Variants in SULT1E1 observed in about 807,000 individuals in gnomAD.
The protein encoded by SULT1E1 is sulfotransferase 1E1.
SULT1E1 carries 36 observed loss-of-function variants against 33.6 expected under a neutral mutation model. The ratio of observed to expected loss-of-function variants is 1.07; its 90% CI spans 0.82 to 1.41. SULT1E1 has a LOEUF of 1.41. Ranked by LOEUF, SULT1E1 falls within the 40% of genes most tolerant of loss-of-function variation. The pLI, the probability that SULT1E1 is intolerant of heterozygous loss-of-function variation, is 0.00. For missense variants in SULT1E1, 371 were observed against 345.7 expected (o/e 1.07, Z -0.58); for synonymous variants, 121 against 111.7 (o/e 1.08, Z -0.53).
chr4:69,855,227 C>A, intron 3 of SULT1E1, 74 bp downstream of exon 3: 1 of 1,460,526 alleles, frequency 6.8e-7, no homozygotes, highest in Non-Finnish European at 9.2e-7. Flanking sequence ...TGCTTATAAT[C>A]TCATTGCTTG....
At chr4:69,834,527 T>C in the SULT1E1 span, among the ~76,000 whole-genome samples, 1 of 152,184 alleles carries the variant, frequency 6.6e-6, no homozygotes, top group East Asian at 1.9e-4. Context: ...CTTCTTTCAA[T>C]TGGATAACAA....
At chr4:69,849,269 C>G (rs1184785441) in intron 5 of SULT1E1, 168 bp downstream of exon 5, 8 of 597,624 alleles carry the variant, frequency 1.3e-5, no homozygotes, top group Non-Finnish European at 2.1e-5. Flanking sequence ...CCTTCTACAT[C>G]TGGACACAGT....
chr4:69,842,082 T>C lies in SULT1E1; in HGVS notation c.797A>G (p.His266Arg), dbSNP rs1481185629. Residue 266 changes from histidine (H) to arginine (R), a missense_variant, in exon 8 of 8, where the codon CAC (histidine) becomes CGC (arginine). Physicochemically the swap from His to Arg is conservative, Grantham distance 29. Transcript: ENST00000226444. ...RKGITGDWKN[H>R]FTVALNEKFD... Reference sequence around the variant, plus strand: ...TTTTTCATTCAGGGCTACTGTAAAGTGATTTTTCCAGTCTCCTGTAATTCC... The same window carrying C: ...TTTTTCATTCAGGGCTACTGTAAAGCGATTTTTCCAGTCTCCTGTAATTCC... 6.2e-7 allele frequency: 1 copy of C among 1,607,984 alleles called. No individual in the cohort carries two copies. Among genetic ancestry groups the C allele is most frequent in the Non-Finnish European group, 8.5e-7 (1 of 1,176,732 alleles).
At chr4:69,830,602 C>T in the SULT1E1 span, among the ~76,000 whole-genome samples, 2 of 152,262 alleles carry the variant, frequency 1.3e-5, no homozygotes, top group African/African-American at 2.4e-5. Flanking sequence ...AGCTGGGATG[C>T]GTCATTTGGG....
chr4:69,842,421 G>A (rs1560553459), intron 7 of SULT1E1, among the ~76,000 whole-genome samples: 2 of 152,064 alleles, frequency 1.3e-5, no homozygotes, highest in Non-Finnish European at 2.9e-5. Flanking sequence ...CCACTCTCAA[G>A]GTGTTAAATA....
intron 7 of SULT1E1, among the ~76,000 whole-genome samples, chr4:69,843,215 A>C (rs1720913777): frequency 6.6e-6 from 1 of 152,092 alleles, no homozygotes; most frequent in Non-Finnish European, 1.5e-5. Flanking sequence ...GAAATAACCC[A>C]AAAACCAGAA....
chr4:69,837,107 G>A (rs1257235026), downstream of SULT1E1, among the ~76,000 whole-genome samples: 2 of 151,836 alleles, frequency 1.3e-5, no homozygotes, highest in Non-Finnish European at 1.5e-5. Context: ...AAAAATGTAG[G>A]TAGGGGTTAG....
downstream of SULT1E1, among the ~76,000 whole-genome samples, chr4:69,840,505 C>A (rs1298862714): frequency 1.3e-5 from 2 of 152,154 alleles, no homozygotes; most frequent in South Asian, 2.1e-4. Context: ...AATTTTAATT[C>A]TTTTTTCTTC....
the SULT1E1 span, among the ~76,000 whole-genome samples, chr4:69,831,924 C>G: frequency 0.27 from 41,806 of 152,050 alleles, 6,234 homozygotes; most frequent in South Asian, 0.43. Context: ...CCATCTCTCA[C>G]GCAGTTTCAC....
chr4:69,848,296 G>T (rs192112799), intron 5 of SULT1E1, among the ~76,000 whole-genome samples: 150 of 151,810 alleles, frequency 9.9e-4, no homozygotes, highest in Middle Eastern at 3.4e-3. Flanking sequence ...TGTTCTCGTA[G>T]GTACCCTTAG....
chr4:69,842,059 T>C lies in SULT1E1; in HGVS notation c.820A>G (p.Lys274Glu), dbSNP rs998851317. The change falls in exon 8 of 8, where the codon AAA becomes GAA. Residue 274 changes from lysine (K) to glutamate (E), a missense_variant. Coordinates refer to ENST00000226444, the MANE Select transcript of SULT1E1 (RefSeq NM_005420.3). ...KNHFTVALNE[K>E]FDKHYEQQMK... ...TGCTGCTCATAATGTTTATCAAATT[T>C]TTCATTCAGGGCTACTGTAAAGTGA... The C allele has an allele frequency of 6.2e-7, 1 of 1,612,178 alleles. No homozygotes were observed. Among genetic ancestry groups the C allele is most frequent in the African/African-American group, 1.3e-5 (1 of 74,978 alleles).
rs1169474896 is a variant in SULT1E1, at chr4:69,855,411, C to T, written c.161G>A (p.Ser54Asn). ...TTTATAGATCATATACACAATTTCA[C>T]TAACCCAGGTTGTACCTGTAAAAAT... ...TYPKSGTTWV[S>N]EIVYMIYKEG... Residue 54 changes from serine (S) to asparagine (N), a missense_variant, in exon 3 of 8, where the codon AGT becomes AAT. Coordinates refer to ENST00000226444, the MANE Select transcript of SULT1E1 (RefSeq NM_005420.3). 1 of 1,611,142 alleles carries T rather than the reference C, an allele frequency of 6.2e-7. No individual in the cohort carries two copies. The highest frequency in any genetic ancestry group is 8.5e-7 in the Non-Finnish European group (1 of 1,178,628).
At chr4:69,827,258 C>A in the SULT1E1 span, among the ~76,000 whole-genome samples, 1 of 151,736 alleles carries the variant, frequency 6.6e-6, no homozygotes, top group African/African-American at 2.4e-5. Context: ...AACTGCAGCC[C>A]GAGAGTTTGG....
intron 4 of SULT1E1, among the ~76,000 whole-genome samples, chr4:69,850,322 A>G (rs1474552899): frequency 6.6e-6 from 1 of 152,086 alleles, no homozygotes; most frequent in Non-Finnish European, 1.5e-5. Context: ...CTGTGAAAGT[A>G]AAGTCCAGTA....
intron 7 of SULT1E1, among the ~76,000 whole-genome samples, chr4:69,842,835 T>C (rs941578976): frequency 6.6e-6 from 1 of 151,942 alleles, no homozygotes; most frequent in Non-Finnish European, 1.5e-5. Flanking sequence ...TTCATCTTTT[T>C]TTTTTTTCTT....
At chr4:69,829,551 G>A in the SULT1E1 span, among the ~76,000 whole-genome samples, 1 of 152,216 alleles carries the variant, frequency 6.6e-6, no homozygotes, top group Non-Finnish European at 1.5e-5. Context: ...TTTCAGGACA[G>A]TAAGGGTTAA....
At chr4:69,855,471 G>A (rs1003560392) in intron 2 of SULT1E1, 45 bp from the exon 3 acceptor site, 7 of 1,572,648 alleles carry the variant, frequency 4.5e-6, no homozygotes, top group Admixed American at 1.8e-5. Context: ...ACCCTGTAGA[G>A]TTGATGACAT....
At chr4:69,831,348 T>C in the SULT1E1 span, among the ~76,000 whole-genome samples, 1 of 152,318 alleles carries the variant, frequency 6.6e-6, no homozygotes, top group South Asian at 2.1e-4. Context: ...TACAATATGC[T>C]GCCAAACAGG....
At chr4:69,830,915 C>A in the SULT1E1 span, among the ~76,000 whole-genome samples, 1 of 152,202 alleles carries the variant, frequency 6.6e-6, no homozygotes, top group Non-Finnish European at 1.5e-5. Context: ...CTCACTCTGC[C>A]CCCTGGATGT....
Sources: gnomAD v4.1 joint callset for allele counts (sites outside exome capture counted in the v4.1 genomes callset) on GRCh38, gnomAD v4.1.1 for gene constraint, MANE v1.5 for transcripts, NCBI Gene and HGNC (gene_info 2026-07-23, HGNC 2026-07-21) for gene names.